CACNB2: variants seen among roughly 807,000 people sequenced by gnomAD.
CACNB2 encodes calcium voltage-gated channel auxiliary subunit beta 2.
CACNB2 carries 42 observed loss-of-function variants against 73.3 expected under a neutral mutation model. That is an observed-to-expected ratio of 0.57 (90% CI 0.45 to 0.74). The LOEUF (loss-of-function observed/expected upper bound fraction) is 0.74. CACNB2 is among the 30% of genes least tolerant of loss of function. CACNB2 has a pLI of 0.00. For synonymous variants in CACNB2, 348 were observed against 310.3 expected, an observed-to-expected ratio of 1.12 and a Z score of -1.28; for missense variants, 940 against 853.0, an observed-to-expected ratio of 1.10 and a Z score of -1.27.
chr10:18,163,147 G>A (rs1348886350), intron 2 of CACNB2, among the ~76,000 whole-genome samples: 1 of 152,120 alleles, frequency 6.6e-6, no homozygotes, highest in Non-Finnish European at 1.5e-5. Context: ...TTTGATAAAA[G>A]GTGGTAAAAT....
At chr10:18,489,390 CAAAAAAAAA>C (rs66974116) in intron 3 of CACNB2, among the ~76,000 whole-genome samples, 1 of 59,802 alleles carries the variant, frequency 1.7e-5, no homozygotes, top group Non-Finnish European at 2.9e-5. Flanking sequence ...AACTCCATCT[CAAAAAAAAA>C]AAAAAAAAAA....
At chr10:18,182,998 C>T (rs2131222352) in intron 2 of CACNB2, among the ~76,000 whole-genome samples, 1 of 146,880 alleles carries the variant, frequency 6.8e-6, no homozygotes, top group South Asian at 2.2e-4. Context: ...ATTGTAACAT[C>T]TTTTTTTTTT....
chr10:18,258,000 T>C (rs960675797), intron 2 of CACNB2, among the ~76,000 whole-genome samples: 1 of 152,168 alleles, frequency 6.6e-6, no homozygotes, highest in Non-Finnish European at 1.5e-5. Context: ...CACCTGGGCC[T>C]CCCAAAGTGC....
chr10:18,502,983 CT>C (rs1249152169), intron 5 of CACNB2, among the ~76,000 whole-genome samples: 2 of 152,046 alleles, frequency 1.3e-5, no homozygotes, highest in Non-Finnish European at 2.9e-5. Flanking sequence ...AAAAAGTTGC[CT>C]GTAAAGATAA....
intron 2 of CACNB2, among the ~76,000 whole-genome samples, chr10:18,261,682 G>A (rs1410434745): frequency 6.6e-6 from 1 of 152,084 alleles, no homozygotes; most frequent in Non-Finnish European, 1.5e-5. Flanking sequence ...ATGGTGGGGG[G>A]AAGAAATACC....
intron 2 of CACNB2, chr10:18,341,119 C>A: frequency 2.3e-6 from 2 of 864,602 alleles, no homozygotes; most frequent in Non-Finnish European, 3.8e-6. Flanking sequence ...AGAAATGTTG[C>A]CATTCACAGT....
chr10:18,357,501 A>G (rs186809329), intron 2 of CACNB2, among the ~76,000 whole-genome samples: 42 of 152,334 alleles, frequency 2.8e-4, no homozygotes, highest in Admixed American at 2.5e-3. Flanking sequence ...GCGGTGATGT[A>G]CACCTACAGG....
Position 18,235,592 on chromosome 10 carries a change from G to A in CACNB2, c.213+84617G>A, listed in dbSNP as rs561790523. On this transcript the variant is annotated intron_variant, in intron 2 of 13. Coordinates refer to ENST00000324631, the MANE Select transcript of CACNB2 (RefSeq NM_201596.3). ...GTCTGTTTGGTTAAATGAAAAGGAC[G>A]TGGTACAAAGTGGTTGAGAGTAGTT... is the stretch of plus-strand genomic sequence containing the variant. 4.0e-4 allele frequency among the ~76,000 whole-genome samples: 61 copies of A among 152,322 alleles called. No individual in the cohort carries two copies. In the South Asian group the frequency reaches 8.1e-3, roughly 20 times the overall value.
intron 2 of CACNB2, among the ~76,000 whole-genome samples, chr10:18,189,161 A>G (rs949241028): frequency 1.2e-4 from 18 of 152,258 alleles, no homozygotes; most frequent in African/African-American, 3.6e-4. Flanking sequence ...AAAATTCCTC[A>G]AAGTAGTTTC....
At position 18,389,449 on chromosome 10, in the gene CACNB2, G is replaced by C. The variant is rs145473336; in HGVS notation, c.214-12475G>C. Among the ~76,000 whole-genome samples the C allele has an allele frequency of 1.6e-3, 249 of 152,166 alleles. 1 individual carries two copies. Among genetic ancestry groups the C allele is most frequent in the African/African-American group, 4.8e-3 (200 of 41,520 alleles). ...TCACTGTGCCTTGCCTCTGTTATTT[G>C]TTTTACATACGTGAATGTATGTATA... On this transcript the variant is annotated intron_variant, in intron 2 of 13. Transcript: ENST00000324631.
At chr10:18,279,149 C>A (rs1023914136) in intron 2 of CACNB2, among the ~76,000 whole-genome samples, 1 of 152,200 alleles carries the variant, frequency 6.6e-6, no homozygotes. Flanking sequence ...CCAAATTAAT[C>A]AAATCTGAAA....
intron 5 of CACNB2, among the ~76,000 whole-genome samples, chr10:18,505,920 T>G (rs1223664041): frequency 2.0e-5 from 3 of 152,344 alleles, no homozygotes; most frequent in African/African-American, 7.2e-5. Flanking sequence ...GGCTACATCA[T>G]ATCATATTCT....
chr10:18,195,437 A>T (rs928747546), intron 2 of CACNB2, among the ~76,000 whole-genome samples: 1 of 152,198 alleles, frequency 6.6e-6, no homozygotes, highest in Non-Finnish European at 1.5e-5. Flanking sequence ...AAGTGGGACC[A>T]ATCAGGCGAG....
At chr10:18,463,018 A>G (rs2047667030) in intron 3 of CACNB2, among the ~76,000 whole-genome samples, 1 of 152,132 alleles carries the variant, frequency 6.6e-6, no homozygotes. Context: ...TGGCCTTCCA[A>G]AGTGTTAGGA....
chr10:18,280,215 ATTACAT>A (rs66533438), intron 2 of CACNB2, among the ~76,000 whole-genome samples: 36,325 of 151,864 alleles, frequency 0.24, 5,094 homozygotes, highest in East Asian at 0.58. Flanking sequence ...GGGATTATAA[ATTACAT>A]TTACAAGAAT....
rs545850976 is a variant in CACNB2 at position 18,497,255 on chromosome 10, T to G, written c.334-1100T>G. 1.7e-4 allele frequency among the ~76,000 whole-genome samples: 25 copies of G among 146,904 alleles called. 1 individual carries two copies. The East Asian group carries it at 3.6e-3, about 21-fold the overall frequency. Reference sequence around the variant, plus strand: ...GAAGAAAAAAAGAAAGAAAGAAATATATAGAAGCAATCCACTTGCCCATAA... The same window carrying G: ...GAAGAAAAAAAGAAAGAAAGAAATAGATAGAAGCAATCCACTTGCCCATAA... On this transcript the variant is annotated intron_variant, in intron 3 of 13. Transcript: ENST00000324631.
chr10:18,442,030 C>T (rs1201105398), intron 3 of CACNB2, among the ~76,000 whole-genome samples: 1 of 152,184 alleles, frequency 6.6e-6, no homozygotes, highest in Admixed American at 6.5e-5. Context: ...CTCATAATTC[C>T]TTCTAGAACT....
chr10:18,450,453 TG>T (rs546354929), intron 3 of CACNB2, among the ~76,000 whole-genome samples: 57 of 152,122 alleles, frequency 3.7e-4, no homozygotes, highest in East Asian at 2.5e-3. Flanking sequence ...AACAGTGTGA[TG>T]GGGGAGCTCA....
At chr10:18,488,474 C>CAAAAAAAAAA (rs59931967) in intron 3 of CACNB2, among the ~76,000 whole-genome samples, 19 of 67,966 alleles carry the variant, frequency 2.8e-4, no homozygotes, top group African/African-American at 4.5e-4. Flanking sequence ...GACTCCATCT[C>CAAAAAAAAAA]AAAAAAAAAA....
Sources: allele counts gnomAD v4.1 joint callset (sites outside exome capture counted in the v4.1 genomes callset), GRCh38; gene constraint gnomAD v4.1.1; transcripts MANE v1.5; gene names NCBI Gene and HGNC (gene_info 2026-07-23, HGNC 2026-07-21).